VIT: variants seen among roughly 807,000 people sequenced by gnomAD.
The protein encoded by VIT is vitrin.
VIT carries 99 observed loss-of-function variants against 78.0 expected under a neutral mutation model. That is an observed-to-expected ratio of 1.27 (90% confidence interval 1.08 to 1.50). The LOEUF (loss-of-function observed/expected upper bound fraction) is 1.50. Among genes scored for constraint, VIT ranks in the 40% most tolerant of loss-of-function variants. VIT has a pLI of 0.00. For missense variants in VIT, 1,126 were observed against 875.3 expected, an observed-to-expected ratio of 1.29 and a Z score of -3.61; for synonymous variants, 374 against 334.3, an observed-to-expected ratio of 1.12 and a Z score of -1.29.
At chr2:36,791,330 C>G (rs1665488145) in intron 12 of VIT, among the ~76,000 whole-genome samples, 1 of 152,178 alleles carries the variant, frequency 6.6e-6, no homozygotes, top group Non-Finnish European at 1.5e-5. Context: ...CATAGGTCGG[C>G]TGAGCCACCT....
rs1475620757 is a variant in VIT, at chr2:36,767,294, G to T, written c.679+9G>T. 6.5e-7 allele frequency: 1 copy of T among 1,537,790 alleles called. No homozygotes were observed. The highest frequency in any genetic ancestry group is 1.4e-5 in the African/African-American group (1 of 72,102). Reference sequence around the variant, plus strand: ...CAGGAGCCAGGAGATGGGTCAGTAGGTAGACCATGTGTTGCTTTGTGCTAG... The same window carrying T: ...CAGGAGCCAGGAGATGGGTCAGTAGTTAGACCATGTGTTGCTTTGTGCTAG... On this transcript the variant is annotated intron_variant, in intron 7 of 15. Coordinates refer to ENST00000379242, the MANE Select transcript of VIT (RefSeq NM_053276.4).
chr2:36,776,433 T>G (rs1670047776), intron 9 of VIT, among the ~76,000 whole-genome samples: 1 of 111,426 alleles, frequency 9.0e-6, no homozygotes, highest in Non-Finnish European at 2.2e-5. Context: ...GCCTTGGTTT[T>G]AGAAAACAGT....
chr2:36,742,995 G>T (rs1295122039), intron 3 of VIT, 105 bp from the exon 4 acceptor site: 36 of 1,455,304 alleles, frequency 2.5e-5, no homozygotes, highest in Non-Finnish European at 3.2e-5. Context: ...GTCGGCCCAG[G>T]CTCTGGCTTT....
intron 11 of VIT, among the ~76,000 whole-genome samples, chr2:36,784,201 A>G (rs540791578): frequency 2.6e-4 from 39 of 152,356 alleles, no homozygotes; most frequent in African/African-American, 8.9e-4. Context: ...CCTGCAAGGT[A>G]TGGAAAGAAA....
At chr2:36,789,956 G>A (rs1478665055) in intron 12 of VIT, among the ~76,000 whole-genome samples, 1 of 152,140 alleles carries the variant, frequency 6.6e-6, no homozygotes, top group Non-Finnish European at 1.5e-5. Flanking sequence ...TGTTACCACT[G>A]CCCCTGGTCC....
At position 36,755,027 on chromosome 2, in the gene VIT, C is replaced by T. The variant is rs1482205254; in HGVS notation, c.382C>T (p.Arg128Ter). Reference protein sequence around the residue: ...SNGVQSLSLPRWRESFIVLES... With the variant: ...SNGVQSLSLP ...CGGTGTCCAATCGTTATCCCTACCA[C>T]GATGGAGAGAATCCTTTATCGTCTT... is the stretch of plus-strand genomic sequence containing the variant. Residue 128 changes from arginine to a stop codon, truncating the protein, a stop_gained, in exon 5 of 16, where the codon CGA becomes TGA. Transcript: ENST00000379242. LOFTEE classifies it high-confidence loss of function. 9.3e-6 allele frequency: 15 copies of T among 1,614,020 alleles called. No homozygotes were observed. The highest frequency in any genetic ancestry group is 1.7e-5 in the Admixed American group (1 of 60,002).
At chr2:36,728,105 ATT>A in intron 2 of VIT, among the ~76,000 whole-genome samples, 1 of 151,648 alleles carries the variant, frequency 6.6e-6, no homozygotes, top group Admixed American at 6.6e-5. Flanking sequence ...ATATTTTTGT[ATT>A]TTTAGTAGAG....
intron 15 of VIT, among the ~76,000 whole-genome samples, chr2:36,811,617 G>A (rs959454566): frequency 3.3e-5 from 5 of 151,998 alleles, no homozygotes; most frequent in African/African-American, 9.7e-5. Flanking sequence ...TGTACAACAA[G>A]AGTGGACTTG....
At chr2:36,706,146 G>A (rs750184935) in intron 1 of VIT, among the ~76,000 whole-genome samples, 5 of 152,226 alleles carry the variant, frequency 3.3e-5, no homozygotes, top group East Asian at 1.9e-4. Context: ...CAGTGGCTGC[G>A]ACAGCTCACA....
intron 7 of VIT, among the ~76,000 whole-genome samples, chr2:36,773,469 G>T (rs1037832787): frequency 4.6e-5 from 7 of 152,132 alleles, no homozygotes; most frequent in African/African-American, 1.7e-4. Context: ...TATTGGCCGG[G>T]TGTGGTGGCT....
At chr2:36,801,458 C>T (rs552407434) in intron 13 of VIT, 54 bp downstream of exon 13, 42 of 1,428,482 alleles carry the variant, frequency 2.9e-5, no homozygotes, top group South Asian at 6.9e-5. Context: ...TCTCTTTCTA[C>T]GTGATTGTCT....
At chr2:36,782,605 G>C (rs73927027) in intron 10 of VIT, among the ~76,000 whole-genome samples, 2,193 of 152,280 alleles carry the variant, frequency 0.014, 52 homozygotes, top group African/African-American at 0.051. Flanking sequence ...AAGCCCATTC[G>C]TGTTACCAAG....
In VIT at chr2:36,808,753, A is replaced by G. The variant is rs761463491; in HGVS notation, c.1671A>G (p.Glu557=). ...TRIGAVQYTY[E]QRLEFGFDKY... ...TCGGGGCCGTGCAGTACACCTACGA[A>G]CAGCGGCTGGAGTTTGGGTTCGACA... The change falls in exon 15 of 16, where the codon GAA becomes GAG. Residue 557 remains glutamate (E), a synonymous_variant. Transcript: ENST00000379242. 3 of 1,614,132 alleles carry G rather than the reference A, an allele frequency of 1.9e-6. No homozygotes were observed. Among genetic ancestry groups the G allele is most frequent in the South Asian group, 2.2e-5 (2 of 91,074 alleles).
intron 3 of VIT, 27 bp downstream of exon 3, chr2:36,729,518 G>A (rs1667066191): frequency 3.8e-6 from 6 of 1,595,006 alleles, no homozygotes; most frequent in Non-Finnish European, 5.1e-6. Flanking sequence ...TTCCTTGCTG[G>A]CATAATGCTT....
chr2:36,706,741 C>A (rs932890134), intron 1 of VIT, among the ~76,000 whole-genome samples: 7 of 152,172 alleles, frequency 4.6e-5, no homozygotes, highest in Non-Finnish European at 8.8e-5. Context: ...CTGCATCTGA[C>A]AATAATAATT....
At chr2:36,753,238 G>A (rs192711840) in intron 4 of VIT, among the ~76,000 whole-genome samples, 186 of 152,136 alleles carry the variant, frequency 1.2e-3, no homozygotes, top group Non-Finnish European at 2.0e-3. Context: ...AGAGCATCAG[G>A]AAGAATAACT....
At chr2:36,740,246 G>C (rs1667756736) in intron 3 of VIT, among the ~76,000 whole-genome samples, 1 of 152,206 alleles carries the variant, frequency 6.6e-6, no homozygotes, top group South Asian at 2.1e-4. Context: ...ACCTTCAGAG[G>C]AAAGGCCAAC....
intron 4 of VIT, among the ~76,000 whole-genome samples, chr2:36,746,909 A>T (rs941585698): frequency 6.6e-6 from 1 of 151,990 alleles, no homozygotes; most frequent in Non-Finnish European, 1.5e-5. Flanking sequence ...TTAATATGAG[A>T]TATTTAGAAC....
At chr2:36,801,811 G>A (rs1190059294) in intron 13 of VIT, among the ~76,000 whole-genome samples, 1 of 151,222 alleles carries the variant, frequency 6.6e-6, no homozygotes, top group African/African-American at 2.4e-5. Context: ...AATTACTCCT[G>A]CAACATCTAT....
Sources: gnomAD v4.1 joint callset for allele counts (sites outside exome capture counted in the v4.1 genomes callset) on GRCh38, gnomAD v4.1.1 for gene constraint, MANE v1.5 for transcripts, NCBI Gene and HGNC (gene_info 2026-07-23, HGNC 2026-07-21) for gene names.